ANKDD1A: variants seen among roughly 807,000 people sequenced by gnomAD.
The protein encoded by ANKDD1A is ankyrin repeat and death domain containing 1A, also known as ankyrin repeat and death domain-containing protein 1A.
ANKDD1A carries 59 observed loss-of-function variants against 63.5 expected under a neutral mutation model. The ratio of observed to expected loss-of-function variants is 0.93; its 90% CI spans 0.75 to 1.15. The LOEUF (loss-of-function observed/expected upper bound fraction) is 1.15. Ranked by LOEUF, ANKDD1A falls within the 50% of genes most tolerant of loss-of-function variation. The pLI is 0.00. For synonymous variants in ANKDD1A, 266 were observed against 263.9 expected, an observed-to-expected ratio of 1.01 and a Z score of -0.08; for missense variants, 632 against 656.4, an observed-to-expected ratio of 0.96 and a Z score of 0.41.
intron 1 of ANKDD1A, 58 bp from the exon 2 acceptor site, chr15:64,915,739 C>T: frequency 2.7e-6 from 4 of 1,475,052 alleles, no homozygotes; most frequent in Middle Eastern, 2.0e-4. Context: ...GTTTACCTCT[C>T]CTGTCTGCAG....
chr15:64,915,985 T>C, intron 2 of ANKDD1A, 85 bp downstream of exon 2: 1 of 1,312,962 alleles, frequency 7.6e-7, no homozygotes, highest in African/African-American at 1.5e-5. Flanking sequence ...TTATCTGAGC[T>C]AGAGGCAGGC....
chr15:64,958,576 T>C lies in ANKDD1A; in HGVS notation c.*1388T>C, dbSNP rs1233824104. 1 of 152,260 alleles carries C rather than the reference T, an allele frequency of 6.6e-6. No homozygotes were observed. Among genetic ancestry groups the C allele is most frequent in the Non-Finnish European group, 1.5e-5 (1 of 68,044 alleles). The allele number at this position is 152,260 out of a possible 1,614,324, so 9.4% of individuals were successfully genotyped here. On this transcript the variant is annotated 3_prime_UTR_variant, in exon 15 of 15. Transcript: ENST00000319580. ...CATCTATTCCTTGGGAAAGGTATTTTGTACCATATGGGACTGAAATCATTT... is the reference window on the plus strand; with the variant it reads ...CATCTATTCCTTGGGAAAGGTATTTCGTACCATATGGGACTGAAATCATTT...
At chr15:64,953,712 T>C (rs2140391446) in intron 14 of ANKDD1A, among the ~76,000 whole-genome samples, 1 of 16,846 alleles carries the variant, frequency 5.9e-5, no homozygotes, top group East Asian at 0.026. Flanking sequence ...CTTCTTCTCC[T>C]TGTTCTTCTC....
At chr15:64,913,040 G>A (rs1218915667) in intron 1 of ANKDD1A, among the ~76,000 whole-genome samples, 1 of 152,200 alleles carries the variant, frequency 6.6e-6, no homozygotes, top group African/African-American at 2.4e-5. Flanking sequence ...GGATGGAAGA[G>A]ATGAGACTGG....
chr15:64,943,653 A>C, intron 11 of ANKDD1A, 71 bp downstream of exon 11: 2 of 1,312,072 alleles, frequency 1.5e-6, no homozygotes, highest in South Asian at 1.2e-5. Flanking sequence ...CCTGCTACGA[A>C]TGCCCCCTCC....
intron 13 of ANKDD1A, among the ~76,000 whole-genome samples, chr15:64,949,211 C>T (rs1194370559): frequency 1.3e-5 from 2 of 152,238 alleles, no homozygotes; most frequent in South Asian, 2.1e-4. Context: ...AACCCCATGC[C>T]GTGTGGGCAA....
intron 4 of ANKDD1A, among the ~76,000 whole-genome samples, chr15:64,925,324 T>C (rs1208523787): frequency 6.6e-6 from 1 of 152,050 alleles, no homozygotes; most frequent in Non-Finnish European, 1.5e-5. Flanking sequence ...GTTGTACTGA[T>C]TTTTATGACC....
chr15:64,940,532 A>T (rs1474553695), intron 9 of ANKDD1A, among the ~76,000 whole-genome samples: 1 of 151,834 alleles, frequency 6.6e-6, no homozygotes, highest in Non-Finnish European at 1.5e-5. Context: ...TTCCAGGTTC[A>T]CGCCATTCTC....
At chr15:64,920,555 T>C (rs2085000862) in intron 3 of ANKDD1A, among the ~76,000 whole-genome samples, 8 of 152,136 alleles carry the variant, frequency 5.3e-5, no homozygotes, top group Admixed American at 5.2e-4. Context: ...ATGGGATATT[T>C]ATTTATTTAT....
intron 6 of ANKDD1A, among the ~76,000 whole-genome samples, chr15:64,928,616 G>T (rs947473480): frequency 2.6e-5 from 4 of 152,200 alleles, no homozygotes; most frequent in African/African-American, 7.2e-5. Flanking sequence ...AGACCTCTTA[G>T]AGTCAATGAC....
At chr15:64,928,662 G>A (rs1159372323) in intron 6 of ANKDD1A, among the ~76,000 whole-genome samples, 1 of 152,164 alleles carries the variant, frequency 6.6e-6, no homozygotes, top group Non-Finnish European at 1.5e-5. Flanking sequence ...TAGAATGCTA[G>A]GGAGGCTTTG....
chr15:64,914,284 C>T (rs964007373), intron 1 of ANKDD1A, among the ~76,000 whole-genome samples: 3 of 152,046 alleles, frequency 2.0e-5, no homozygotes, highest in Admixed American at 1.3e-4. Context: ...CTGCACCCAG[C>T]CTGTTTTTGT....
At chr15:64,937,847 T>C (rs2085147651) in intron 9 of ANKDD1A, among the ~76,000 whole-genome samples, 2 of 152,322 alleles carry the variant, frequency 1.3e-5, no homozygotes, top group South Asian at 2.1e-4. Context: ...AATTCTCTAC[T>C]ACAAGGAACC....
chr15:64,931,275 T>C (rs562940334), intron 7 of ANKDD1A, among the ~76,000 whole-genome samples: 7 of 152,198 alleles, frequency 4.6e-5, no homozygotes, highest in African/African-American at 1.7e-4. Context: ...CAGGAGTGAC[T>C]ATGCCATGTG....
chr15:64,917,614 C>T, intron 3 of ANKDD1A, 100 bp downstream of exon 3: 2 of 1,473,670 alleles, frequency 1.4e-6, no homozygotes, highest in Non-Finnish European at 1.8e-6. Context: ...AATATGCAGA[C>T]ATTCAGGTGC....
intron 9 of ANKDD1A, among the ~76,000 whole-genome samples, chr15:64,938,644 A>C (rs1220335645): frequency 6.6e-6 from 1 of 152,264 alleles, no homozygotes; most frequent in Non-Finnish European, 1.5e-5. Context: ...ATCCTGCAAC[A>C]GAAAGGATAT....
intron 12 of ANKDD1A, among the ~76,000 whole-genome samples, chr15:64,945,542 A>G (rs757276823): frequency 1.4e-5 from 2 of 147,484 alleles, no homozygotes; most frequent in Non-Finnish European, 3.0e-5. Flanking sequence ...TACTAAGCAC[A>G]TGTAAGGTAG....
chr15:64,953,628 T>TTAGTTCTTCTTAGTTCTTCTTCTTTC (rs149400321), intron 14 of ANKDD1A, among the ~76,000 whole-genome samples: 1 of 125,632 alleles, frequency 8.0e-6, no homozygotes, highest in Non-Finnish European at 1.7e-5. Context: ...CTTCTTCTTC[T>TTAGTTCTTCTTAGTTCTTCTTCTTTC]TCCTTCTTCT....
At chr15:64,948,640 C>G (rs1014198556) in intron 13 of ANKDD1A, among the ~76,000 whole-genome samples, 4 of 152,114 alleles carry the variant, frequency 2.6e-5, no homozygotes, top group African/African-American at 7.2e-5. Context: ...GCCTGGCCAA[C>G]ATGGTGAATC....
Sources: allele counts gnomAD v4.1 joint callset (sites outside exome capture counted in the v4.1 genomes callset), GRCh38; gene constraint gnomAD v4.1.1; transcripts MANE v1.5; gene names NCBI Gene and HGNC (gene_info 2026-07-23, HGNC 2026-07-21).